MEP1A: variants seen among roughly 807,000 people sequenced by gnomAD.
MEP1A encodes N-benzoyl-L-tyrosyl-P-amino-benzoic acid hydrolase subunit alpha.
A neutral mutation model predicts 84.5 loss-of-function variants in MEP1A; 68 were observed. That is an observed-to-expected ratio of 0.80 (90% CI 0.66 to 0.98). The LOEUF (loss-of-function observed/expected upper bound fraction) is 0.98, where lower values mean the gene tolerates loss of function less well. MEP1A is among the 50% of genes least tolerant of loss of function. The pLI is 0.00. For synonymous variants in MEP1A, 337 were observed against 336.8 expected (o/e 1.00, Z -0.01); for missense variants, 887 against 919.9 (o/e 0.96, Z 0.46).
At position 46,824,954 on chromosome 6, in the gene MEP1A, AATAG is replaced by A. The variant is rs1279666287; in HGVS notation, c.557-315_557-312del. 6.4e-5 allele frequency among the ~76,000 whole-genome samples: 8 copies of A among 125,330 alleles called. 1 individual carries two copies. The highest frequency in any genetic ancestry group is 2.1e-4 in the African/African-American group (7 of 32,992). 82.2% of individuals were successfully genotyped at this position (125,330 alleles called of 152,430 possible). Reference sequence around the variant, plus strand: ...TAAATATATATAAATTATATATTTAAATAGATCTATTTAAATATATATAAATTAT... The same window carrying A: ...TAAATATATATAAATTATATATTTAAATCTATTTAAATATATATAAATTAT... On this transcript the variant is annotated intron_variant, in intron 7 of 13. Coordinates refer to ENST00000230588, the MANE Select transcript of MEP1A (RefSeq NM_005588.3).
intron 5 of MEP1A, among the ~76,000 whole-genome samples, chr6:46,806,474 G>A (rs1767320185): frequency 1.3e-5 from 2 of 152,072 alleles, no homozygotes; most frequent in South Asian, 4.1e-4. Context: ...TGGTCCTTCT[G>A]GGATTTCAAT....
chr6:46,818,273 T>C (rs1767686707), intron 6 of MEP1A, among the ~76,000 whole-genome samples: 1 of 151,808 alleles, frequency 6.6e-6, no homozygotes, highest in South Asian at 2.1e-4. Flanking sequence ...AATAAATAAC[T>C]AAGATTCATC....
At chr6:46,835,817 G>C (rs1320229629) in intron 13 of MEP1A, among the ~76,000 whole-genome samples, 2 of 152,054 alleles carry the variant, frequency 1.3e-5, no homozygotes, top group African/African-American at 4.8e-5. Flanking sequence ...GGATGTTGTT[G>C]GAATTTCTAA....
intron 9 of MEP1A, among the ~76,000 whole-genome samples, chr6:46,828,184 G>C (rs1767991680): frequency 1.3e-5 from 2 of 151,570 alleles, no homozygotes; most frequent in Admixed American, 1.3e-4. Flanking sequence ...ATACACCTGG[G>C]CAAGAATTCC....
intron 4 of MEP1A, 113 bp downstream of exon 4, chr6:46,798,759 A>ATTTC: frequency 2.4e-5 from 21 of 869,200 alleles, no homozygotes; most frequent in Non-Finnish European, 3.8e-5. Flanking sequence ...GATGAGAGAA[A>ATTTC]TCTCATCTAT....
intron 5 of MEP1A, among the ~76,000 whole-genome samples, chr6:46,801,634 T>A (rs753646859): frequency 9.9e-5 from 15 of 152,234 alleles, no homozygotes; most frequent in Non-Finnish European, 2.1e-4. Context: ...AAAGTGTGAT[T>A]TATCAATTTT....
chr6:46,796,462 T>G (rs1234628713), intron 3 of MEP1A, among the ~76,000 whole-genome samples: 1 of 152,158 alleles, frequency 6.6e-6, no homozygotes, highest in Admixed American at 6.5e-5. Flanking sequence ...CACTTTACCT[T>G]TCATTTGTTT....
At chr6:46,838,855 A>C (rs866594116) in intron 13 of MEP1A, 125 bp from the exon 14 acceptor site, 7 of 760,928 alleles carry the variant, frequency 9.2e-6, no homozygotes, top group Middle Eastern at 3.9e-4. Flanking sequence ...TTGAAATGGG[A>C]CCAGGCACCA....
chr6:46,813,723 C>A (rs12193788), intron 6 of MEP1A, among the ~76,000 whole-genome samples: 6,768 of 152,142 alleles, frequency 0.044, 150 homozygotes, highest in African/African-American at 0.069. Context: ...CTCCTTTTAG[C>A]AGTTCTTGTA....
chr6:46,803,244 A>T (rs1385078995), intron 5 of MEP1A, among the ~76,000 whole-genome samples: 10 of 151,668 alleles, frequency 6.6e-5, no homozygotes. Context: ...TAATAATTAT[A>T]GAATTATTCT....
intron 13 of MEP1A, among the ~76,000 whole-genome samples, chr6:46,836,000 A>G (rs1768209212): frequency 6.6e-6 from 1 of 152,172 alleles, no homozygotes; most frequent in Non-Finnish European, 1.5e-5. Context: ...ATTTTCAATA[A>G]TAGTAGTAAG....
At chr6:46,824,905 A>G (rs1188887898) in intron 7 of MEP1A, among the ~76,000 whole-genome samples, 1 of 122,528 alleles carries the variant, frequency 8.2e-6, no homozygotes, top group Admixed American at 8.8e-5. Flanking sequence ...ATATATATAA[A>G]TTATATATTT....
At chr6:46,820,412 C>T (rs983276195) in intron 7 of MEP1A, among the ~76,000 whole-genome samples, 2 of 152,140 alleles carry the variant, frequency 1.3e-5, no homozygotes, top group African/African-American at 4.8e-5. Flanking sequence ...TGTTTTGAGA[C>T]AGAGTTTTGC....
At chr6:46,822,291 G>T (rs1285361594) in intron 7 of MEP1A, among the ~76,000 whole-genome samples, 1 of 152,076 alleles carries the variant, frequency 6.6e-6, no homozygotes, top group East Asian at 1.9e-4. Context: ...TCTAGAACAG[G>T]TTTGCTGACT....
Position 46,825,387 on chromosome 6 carries a change from T to G in MEP1A, c.672T>G (p.Ser224Arg). Residue 224 changes from serine (S) to arginine (R), a missense_variant, in exon 8 of 14, where the codon AGT becomes AGG. Transcript: ENST00000230588. ...YQPFSFNKNA[S>R]VPTITAKIPE... ...CTTTCTCATTTAACAAGAATGCAAGTGTTCCCACCATCACAGCCAAGATCC... is the reference window on the plus strand; with the variant it reads ...CTTTCTCATTTAACAAGAATGCAAGGGTTCCCACCATCACAGCCAAGATCC... The G allele has an allele frequency of 6.2e-7, 1 of 1,613,638 alleles. No individual in the cohort carries two copies.
At chr6:46,833,577 C>T (rs573730231) in intron 11 of MEP1A, 39 bp downstream of exon 11, 5 of 1,416,870 alleles carry the variant, frequency 3.5e-6, no homozygotes, top group Non-Finnish European at 5.0e-6. Flanking sequence ...GCCCCTTGAA[C>T]CAGAGAGGCC....
At chr6:46,835,859 A>G (rs1768206743) in intron 13 of MEP1A, among the ~76,000 whole-genome samples, 1 of 152,216 alleles carries the variant, frequency 6.6e-6, no homozygotes, top group South Asian at 2.1e-4. Flanking sequence ...CTTCTAGCCT[A>G]GGGACTTTCT....
At chr6:46,794,967 C>A (rs906099568) in intron 3 of MEP1A, among the ~76,000 whole-genome samples, 6 of 152,154 alleles carry the variant, frequency 3.9e-5, no homozygotes, top group Admixed American at 3.9e-4. Flanking sequence ...TGTAAATCTT[C>A]TTTTTAGGCC....
chr6:46,824,466 C>T (rs1767853599), intron 7 of MEP1A, among the ~76,000 whole-genome samples: 1 of 142,002 alleles, frequency 7.0e-6, no homozygotes, highest in Non-Finnish European at 1.5e-5. Flanking sequence ...CATTATATTG[C>T]TTATAAAATA....
Sources: gnomAD v4.1 joint callset for allele counts (sites outside exome capture counted in the v4.1 genomes callset) on GRCh38, gnomAD v4.1.1 for gene constraint, MANE v1.5 for transcripts, NCBI Gene and HGNC (gene_info 2026-07-23, HGNC 2026-07-21) for gene names.